RELN: variants seen among roughly 807,000 people sequenced by gnomAD.
RELN encodes reelin.
In RELN, 108 loss-of-function variants were observed where a neutral mutation model predicts 427.6. That is an observed-to-expected ratio of 0.25 (90% CI 0.22 to 0.30). The LOEUF (loss-of-function observed/expected upper bound fraction) is 0.30. Among genes scored for constraint, RELN ranks in the 10% least tolerant of loss-of-function variants. The pLI, the probability that RELN is intolerant of heterozygous loss-of-function variation, is 1.00. For missense variants in RELN, 3,715 were observed against 4,302.8 expected, an observed-to-expected ratio of 0.86 and a Z score of 3.82; for synonymous variants, 1,524 against 1,513.4, an observed-to-expected ratio of 1.01 and a Z score of -0.16.
chr7:103,744,008 T>G (rs1436527673), intron 6 of RELN, among the ~76,000 whole-genome samples: 1 of 152,170 alleles, frequency 6.6e-6, no homozygotes, highest in East Asian at 1.9e-4. Context: ...ACCACATAGT[T>G]GGAAGTAAAG....
At chr7:103,871,170 T>C (rs17133124) in intron 2 of RELN, among the ~76,000 whole-genome samples, 17,336 of 152,086 alleles carry the variant, frequency 0.11, 1,058 homozygotes, top group Non-Finnish European at 0.13. Flanking sequence ...CAGGGTTAAA[T>C]TTAGTACTCA....
At chr7:103,717,851 T>C (rs1789978448) in intron 8 of RELN, among the ~76,000 whole-genome samples, 1 of 152,116 alleles carries the variant, frequency 6.6e-6, no homozygotes, top group Admixed American at 6.5e-5. Context: ...CAACAATTCA[T>C]ACCAAGATAT....
Position 103,483,748 on chromosome 7 carries a change from T to C in RELN, c.10086A>G (p.Gln3362=), listed in dbSNP as rs765769069. 136 of 1,614,026 alleles carry C rather than the reference T, an allele frequency of 8.4e-5. No individual in the cohort carries two copies. Among genetic ancestry groups the C allele is most frequent in the Non-Finnish European group, 1.1e-4 (129 of 1,179,986 alleles). ...AGGTGATCCCGTTGTTGACGCTGTA[T>C]TGCAGCAGCACTGCCTTGTCCACAG... The part of the protein sequence containing the change: ...PHAVDKAVLL[Q]YSVNNGITWH... The change falls in exon 62 of 65, where the codon CAA becomes CAG. Residue 3362 remains glutamine (Q), a synonymous_variant. Coordinates refer to ENST00000428762, the MANE Select transcript of RELN (RefSeq NM_005045.4).
At chr7:103,609,055 T>G (rs929744231) in intron 22 of RELN, among the ~76,000 whole-genome samples, 1 of 151,882 alleles carries the variant, frequency 6.6e-6, no homozygotes, top group Admixed American at 6.6e-5. Context: ...AAACCCCATC[T>G]CTACTAAAAA....
At chr7:103,540,160 G>A in intron 44 of RELN, 37 bp downstream of exon 44, 1 of 1,612,752 alleles carries the variant, frequency 6.2e-7, no homozygotes, top group East Asian at 2.2e-5. Context: ...CAGCTCAAGT[G>A]ACGACAATTA....
intron 2 of RELN, among the ~76,000 whole-genome samples, chr7:103,885,145 C>A (rs1794696159): frequency 6.6e-6 from 1 of 152,066 alleles, no homozygotes; most frequent in African/African-American, 2.4e-5. Flanking sequence ...CAAAACCATC[C>A]TGGCTAACAC....
intron 44 of RELN, 91 bp from the exon 45 acceptor site, chr7:103,539,418 T>G: frequency 7.6e-7 from 1 of 1,318,838 alleles, no homozygotes; most frequent in Non-Finnish European, 1.0e-6. Context: ...TTGTTTGTTT[T>G]GATCTGTTGG....
rs879182818 is a variant in RELN, at chr7:103,535,483, C to A, written c.7182G>T (p.Ala2394=). 7.4e-6 allele frequency: 12 copies of A among 1,613,666 alleles called. No homozygotes were observed. Among genetic ancestry groups the A allele is most frequent in the Non-Finnish European group, 1.0e-5 (12 of 1,179,652 alleles). The change falls in exon 46 of 65, where the codon GCG becomes GCT. Residue 2394 remains alanine, a splice_region_variant and synonymous_variant. Transcript: ENST00000428762. ...ASCSVTDSCY[A]IELEYSVDLG... is the part of the protein sequence containing the mutation. ...GATCTACTGAGTATTCCAATTCAAT[C>A]GCTGAAACAGGAAACATTATTTTGG...
chr7:103,570,034 A>G (rs1465501289), intron 31 of RELN, among the ~76,000 whole-genome samples: 1 of 152,256 alleles, frequency 6.6e-6, no homozygotes, highest in African/African-American at 2.4e-5. Context: ...TCAAGGATTT[A>G]AGCAGATTTA....
intron 20 of RELN, among the ~76,000 whole-genome samples, chr7:103,617,337 G>A (rs1270975039): frequency 6.6e-6 from 1 of 152,038 alleles, no homozygotes; most frequent in Non-Finnish European, 1.5e-5. Flanking sequence ...TCTTTAAGGA[G>A]GTTTGTCCTC....
At chr7:103,765,073 A>G (rs1791396313) in intron 4 of RELN, among the ~76,000 whole-genome samples, 1 of 152,166 alleles carries the variant, frequency 6.6e-6, no homozygotes, top group African/African-American at 2.4e-5. Context: ...CTGGCGACAC[A>G]CACTGCTCTT....
intron 11 of RELN, among the ~76,000 whole-genome samples, chr7:103,673,028 C>T (rs1364275353): frequency 1.3e-5 from 2 of 151,950 alleles, no homozygotes; most frequent in Admixed American, 1.3e-4. Context: ...TAGTTTAAGT[C>T]TCTCATAAGG....
chr7:103,944,598 C>T (rs2116745458), intron 1 of RELN, among the ~76,000 whole-genome samples: 1 of 152,280 alleles, frequency 6.6e-6, no homozygotes, highest in South Asian at 2.1e-4. Context: ...TAAGTGAGGA[C>T]TTAGGAAGCC....
intron 2 of RELN, among the ~76,000 whole-genome samples, chr7:103,871,910 G>A (rs574477121): frequency 9.4e-4 from 143 of 151,550 alleles, no homozygotes; most frequent in African/African-American, 3.3e-3. Context: ...GTCTATATTA[G>A]AAATATTACA....
chr7:103,835,954 CTTT>C (rs10569884), intron 2 of RELN, among the ~76,000 whole-genome samples: 52,580 of 142,316 alleles, frequency 0.37, 9,461 homozygotes, highest in Non-Finnish European at 0.42. Context: ...CTCAATTACC[CTTT>C]TTTTTTTTTT....
chr7:103,771,730 C>G (rs1791574791), intron 4 of RELN, among the ~76,000 whole-genome samples: 1 of 151,162 alleles, frequency 6.6e-6, no homozygotes, highest in South Asian at 2.1e-4. Flanking sequence ...CATACCTTCT[C>G]TAGGTCTCTC....
intron 4 of RELN, among the ~76,000 whole-genome samples, chr7:103,773,688 T>C (rs1791665014): frequency 6.6e-6 from 1 of 151,892 alleles, no homozygotes; most frequent in East Asian, 2.0e-4. Context: ...CAGGCTGGTC[T>C]CAAACTCCTG....
chr7:103,549,090 T>C (rs149608916), intron 41 of RELN, among the ~76,000 whole-genome samples: 14 of 152,212 alleles, frequency 9.2e-5, no homozygotes, highest in African/African-American at 3.1e-4. Context: ...TGTTTGTCCA[T>C]AATACCATAA....
Position 103,776,611 on chromosome 7 carries a change from G to T in RELN, c.490C>A (p.Arg164=). Residue 164 remains arginine, a synonymous_variant, in exon 4 of 65, where the codon CGG becomes AGG. Coordinates refer to ENST00000428762, the MANE Select transcript of RELN (RefSeq NM_005045.4). ...CVNFMATATH[R]GQVIFKDALA... is the part of the protein sequence containing the mutation. The stretch of plus-strand genomic sequence containing the variant: ...GCATCTTTGAAAATAACCTGGCCCC[G>T]GTGTGTTGCTGTAGCCCTGGAAACA... The T allele has an allele frequency of 1.2e-6, 2 of 1,613,978 alleles. No individual in the cohort carries two copies. The highest frequency in any genetic ancestry group is 1.7e-6 in the Non-Finnish European group (2 of 1,179,932).
Sources: gnomAD v4.1 joint callset for allele counts (sites outside exome capture counted in the v4.1 genomes callset) on GRCh38, gnomAD v4.1.1 for gene constraint, MANE v1.5 for transcripts, NCBI Gene and HGNC (gene_info 2026-07-23, HGNC 2026-07-21) for gene names.